The following FGGY variants were observed in gnomAD, a reference collection of about 807,000 sequenced individuals.
The protein encoded by FGGY is FGGY carbohydrate kinase domain containing, also known as FGGY carbohydrate kinase domain-containing protein.
FGGY carries 72 observed loss-of-function variants against 71.3 expected under a neutral mutation model. The ratio of observed to expected loss-of-function variants is 1.01; its 90% CI spans 0.84 to 1.23. FGGY has a LOEUF of 1.23. Ranked by LOEUF, FGGY falls within the 50% of genes most tolerant of loss-of-function variation. The probability of loss-of-function intolerance (pLI) is 0.00; values close to 1 mark genes in which losing one functional copy is unlikely to be tolerated. For missense variants in FGGY, 668 were observed against 682.3 expected (o/e 0.98, Z 0.23); for synonymous variants, 251 against 250.3 (o/e 1.00, Z -0.02).
intron 9 of FGGY, among the ~76,000 whole-genome samples, chr1:59,625,546 A>G (rs747185122): frequency 6.6e-6 from 1 of 152,054 alleles, no homozygotes; most frequent in Non-Finnish European, 1.5e-5. Flanking sequence ...CAGCTTCTCC[A>G]TTAGTAAGAC....
intron 14 of FGGY, among the ~76,000 whole-genome samples, chr1:59,723,760 T>G (rs1055982557): frequency 6.6e-6 from 1 of 152,224 alleles, no homozygotes; most frequent in Non-Finnish European, 1.5e-5. Flanking sequence ...AAAATTTACG[T>G]ACATTAAGGT....
At chr1:59,468,727 C>T (rs907598826) in intron 6 of FGGY, among the ~76,000 whole-genome samples, 1 of 151,864 alleles carries the variant, frequency 6.6e-6, no homozygotes. Context: ...AAAAAATCAG[C>T]CAGGTGTGGT....
At chr1:59,451,268 A>G (rs188941541) in intron 5 of FGGY, among the ~76,000 whole-genome samples, 188 of 152,068 alleles carry the variant, frequency 1.2e-3, no homozygotes, top group African/African-American at 4.5e-3. Flanking sequence ...ATGTATATGT[A>G]TTTCAAGGAA....
At chr1:59,481,898 T>TC (rs1279010680) in intron 6 of FGGY, among the ~76,000 whole-genome samples, 3 of 152,166 alleles carry the variant, frequency 2.0e-5, no homozygotes, top group African/African-American at 2.4e-5. Context: ...TGTATTTGGA[T>TC]CTATTTCACA....
In FGGY at chr1:59,660,093, A is replaced by G. The variant is rs1572796208; in HGVS notation, c.1222-126A>G. The G allele has an allele frequency of 2.9e-5, 23 of 784,094 alleles. No individual in the cohort carries two copies. The East Asian group carries it at 6.0e-4, about 20-fold the overall frequency. 48.6% of individuals were successfully genotyped at this position (784,094 alleles called of 1,614,324 possible). A position where few individuals can be genotyped will look rare whatever the true frequency, so the allele number is the denominator to read the frequency against. ...TAGGCATTTCACGTTCCGCTCACAA[A>G]AAGGGGATTTGCATATGAACTTGTT... On this transcript the variant is annotated intron_variant, in intron 11 of 15. Transcript: ENST00000303721.
At chr1:59,473,072 C>G (rs974456788) in intron 6 of FGGY, among the ~76,000 whole-genome samples, 31 of 152,176 alleles carry the variant, frequency 2.0e-4, no homozygotes, top group African/African-American at 6.5e-4. Flanking sequence ...CCCGAGCCAG[C>G]AGTGGCAACC....
At chr1:59,686,909 A>C (rs1558799011) in intron 14 of FGGY, among the ~76,000 whole-genome samples, 1 of 152,262 alleles carries the variant, frequency 6.6e-6, no homozygotes, top group Non-Finnish European at 1.5e-5. Flanking sequence ...TATTTGGCAC[A>C]GTTGCTAGTA....
rs186922536 is a variant in FGGY at position 59,533,192 on chromosome 1, C to G, written c.799+20753C>G. 2.8e-3 allele frequency among the ~76,000 whole-genome samples: 430 copies of G among 152,300 alleles called. 2 individuals carry two copies. Among genetic ancestry groups the G allele is most frequent in the African/African-American group, 9.8e-3 (406 of 41,566 alleles). On this transcript the variant is annotated intron_variant, in intron 7 of 15. Transcript: ENST00000303721. ...AAGCAGGGCAAGGCATTGCCTCACTCGGGAAGTGCAAGGGGTCAGGGAGTT... is the reference window on the plus strand; with the variant it reads ...AAGCAGGGCAAGGCATTGCCTCACTGGGGAAGTGCAAGGGGTCAGGGAGTT...
At chr1:59,664,373 C>T (rs1427568294) in intron 12 of FGGY, among the ~76,000 whole-genome samples, 3 of 152,218 alleles carry the variant, frequency 2.0e-5, no homozygotes, top group Non-Finnish European at 2.9e-5. Context: ...GAAATTCCAG[C>T]CGACAATACC....
rs1558302746 is a variant in FGGY at position 59,546,513 on chromosome 1, TGA to T, written c.800-7610_800-7609del. ...CATAGGATGATGATGATGATGATGATGATGATGATGATGATGATGATGATTAT... is the reference window on the plus strand; with the variant it reads ...CATAGGATGATGATGATGATGATGATTGATGATGATGATGATGATGATTAT... On this transcript the variant is annotated intron_variant, in intron 7 of 15. Transcript: ENST00000303721. 5.9e-3 allele frequency among the ~76,000 whole-genome samples: 867 copies of T among 147,220 alleles called. 10 individuals carry two copies. Among genetic ancestry groups the T allele is most frequent in the African/African-American group, 0.018 (709 of 39,222 alleles).
chr1:59,544,111 T>C (rs1388765336), intron 7 of FGGY, among the ~76,000 whole-genome samples: 1 of 146,370 alleles, frequency 6.8e-6, no homozygotes, highest in Non-Finnish European at 1.5e-5. Context: ...TTTTCTTCTG[T>C]CTATCCTAGG....
chr1:59,346,812 T>A (rs2052031064), intron 4 of FGGY, among the ~76,000 whole-genome samples: 1 of 152,156 alleles, frequency 6.6e-6, no homozygotes, highest in South Asian at 2.1e-4. Flanking sequence ...TTTTTAATTT[T>A]AAAATGTTTC....
chr1:59,536,267 A>C (rs1245940962), intron 7 of FGGY, among the ~76,000 whole-genome samples: 3 of 152,196 alleles, frequency 2.0e-5, no homozygotes, highest in African/African-American at 7.2e-5. Context: ...CACTTTCCCA[A>C]GACTAAACCA....
intron 14 of FGGY, among the ~76,000 whole-genome samples, chr1:59,674,635 T>C (rs2097418529): frequency 6.6e-6 from 1 of 152,162 alleles, no homozygotes; most frequent in African/African-American, 2.4e-5. Flanking sequence ...TTGGTGGCTG[T>C]GATTAAACAC....
intron 5 of FGGY, among the ~76,000 whole-genome samples, chr1:59,452,513 T>C (rs1351141121): frequency 6.6e-6 from 1 of 152,220 alleles, no homozygotes; most frequent in African/African-American, 2.4e-5. Flanking sequence ...TTTTTCATCA[T>C]TTCTACTTCT....
At chr1:59,718,959 T>C (rs1048578091) in intron 14 of FGGY, among the ~76,000 whole-genome samples, 1 of 152,164 alleles carries the variant, frequency 6.6e-6, no homozygotes, top group African/African-American at 2.4e-5. Flanking sequence ...AGCTTCCTTC[T>C]CAGAACAATT....
At chr1:59,606,672 T>G (rs2096626662) in intron 8 of FGGY, among the ~76,000 whole-genome samples, 1 of 152,204 alleles carries the variant, frequency 6.6e-6, no homozygotes, top group South Asian at 2.1e-4. Context: ...AGCTTATGTT[T>G]TATGCTTTGT....
chr1:59,733,170 C>T (rs1465488776), intron 14 of FGGY: 2 of 154,354 alleles, frequency 1.3e-5, no homozygotes, highest in Non-Finnish European at 2.9e-5. Flanking sequence ...CTGTGCACCC[C>T]CAAATAAAAG....
chr1:59,332,777 T>C (rs910802531), intron 2 of FGGY, among the ~76,000 whole-genome samples: 1 of 152,222 alleles, frequency 6.6e-6, no homozygotes, highest in Non-Finnish European at 1.5e-5. Context: ...ACTCCCGCCA[T>C]GATTCTTAGA....
Sources: gnomAD v4.1 joint callset for allele counts (sites outside exome capture counted in the v4.1 genomes callset) on GRCh38, gnomAD v4.1.1 for gene constraint, MANE v1.5 for transcripts, NCBI Gene and HGNC (gene_info 2026-07-23, HGNC 2026-07-21) for gene names.